The following GIGYF2 variants were observed in gnomAD, a reference collection of about 807,000 sequenced individuals.
GIGYF2 encodes the protein GRB10-interacting GYF protein 2.
GIGYF2 carries 25 observed loss-of-function variants against 208.1 expected under a neutral mutation model. The ratio of observed to expected loss-of-function variants is 0.12; its 90% CI spans 0.09 to 0.17. GIGYF2 has a LOEUF of 0.17. GIGYF2 is among the 10% of genes least tolerant of loss of function. The pLI is 1.00. For missense variants in GIGYF2, 1,302 were observed against 1,579.4 expected (o/e 0.82, Z 2.98); for synonymous variants, 534 against 543.8 (o/e 0.98, Z 0.25).
intron 6 of GIGYF2, among the ~76,000 whole-genome samples, chr2:232,757,955 T>C (rs1362928113): frequency 6.6e-6 from 1 of 152,212 alleles, no homozygotes; most frequent in African/African-American, 2.4e-5. Flanking sequence ...ATGTGACATA[T>C]GTAAGAAGTC....
At chr2:232,802,468 C>G (rs1446309095) in intron 14 of GIGYF2, among the ~76,000 whole-genome samples, 1 of 152,094 alleles carries the variant, frequency 6.6e-6, no homozygotes, top group Non-Finnish European at 1.5e-5. Flanking sequence ...GGTGATACTA[C>G]TTCTGTGTCA....
chr2:232,846,904 C>A (rs1401296142), intron 26 of GIGYF2, among the ~76,000 whole-genome samples: 1 of 152,196 alleles, frequency 6.6e-6, no homozygotes, highest in African/African-American at 2.4e-5. Context: ...TCTCCTATAC[C>A]ACACACTGCT....
intron 8 of GIGYF2, chr2:232,771,285 G>A (rs1480397172): frequency 6.2e-7 from 1 of 1,610,066 alleles, no homozygotes. Context: ...GAAGTGTGCT[G>A]TGGCCATCCT....
chr2:232,811,379 A>G (rs1459647439), intron 17 of GIGYF2, 28 bp downstream of exon 17: 2 of 1,192,820 alleles, frequency 1.7e-6, no homozygotes, highest in Non-Finnish European at 2.5e-6. Context: ...TATGTGTCAT[A>G]TGGGGTGCAT....
chr2:232,728,561 G>A (rs1186874107), intron 2 of GIGYF2, among the ~76,000 whole-genome samples: 1 of 152,152 alleles, frequency 6.6e-6, no homozygotes, highest in Non-Finnish European at 1.5e-5. Context: ...AAACAGTAGT[G>A]CCTTGATGAT....
At chr2:232,838,210 A>G (rs1701708950) in intron 22 of GIGYF2, among the ~76,000 whole-genome samples, 1 of 152,048 alleles carries the variant, frequency 6.6e-6, no homozygotes, top group Non-Finnish European at 1.5e-5. Flanking sequence ...TATAGAGTAT[A>G]TATTTTGTGT....
At chr2:232,702,865 G>C (rs190229428) in intron 1 of GIGYF2, among the ~76,000 whole-genome samples, 19 of 152,326 alleles carry the variant, frequency 1.2e-4, no homozygotes, top group Admixed American at 1.0e-3. Context: ...TACAGTTGCA[G>C]CTCACTGCAG....
In GIGYF2 at chr2:232,856,999, C is replaced by G. The variant is rs1690603404; in HGVS notation, c.*139C>G. Reference sequence around the variant, plus strand: ...AACCGATCATCTCAGGCTTTTTCTTCTGGCCCTTTGTGTCCAAGATTCTTT... The same window carrying G: ...AACCGATCATCTCAGGCTTTTTCTTGTGGCCCTTTGTGTCCAAGATTCTTT... On this transcript the variant is annotated 3_prime_UTR_variant, in exon 29 of 29. Transcript: ENST00000373563. 1 of 747,634 alleles carries G rather than the reference C, an allele frequency of 1.3e-6. No individual in the cohort carries two copies. The highest frequency in any genetic ancestry group is 2.4e-6 in the Non-Finnish European group (1 of 410,264). The allele number at this position is 747,634 out of a possible 1,614,324, so 46.3% of individuals were successfully genotyped here. A position where few individuals can be genotyped will look rare whatever the true frequency, so the allele number is the denominator to read the frequency against.
chr2:232,727,926 T>C (rs927159415), intron 2 of GIGYF2, among the ~76,000 whole-genome samples: 1 of 152,250 alleles, frequency 6.6e-6, no homozygotes, highest in Admixed American at 6.5e-5. Flanking sequence ...TTCTGTTTTC[T>C]GCTTCCTTTT....
chr2:232,814,166 A>G (rs1260601580), intron 18 of GIGYF2, among the ~76,000 whole-genome samples: 2 of 152,050 alleles, frequency 1.3e-5, no homozygotes, highest in Non-Finnish European at 2.9e-5. Flanking sequence ...GATTACAGGC[A>G]TGAGACATGG....
chr2:232,730,069 G>GAC (rs1433547251), intron 2 of GIGYF2: 1 of 1,049,200 alleles, frequency 9.5e-7, no homozygotes, highest in African/African-American at 1.5e-5. Context: ...GCAGGCGGTG[G>GAC]GCCAGATGCT....
At chr2:232,750,588 T>C (rs1698300455) in intron 5 of GIGYF2, among the ~76,000 whole-genome samples, 1 of 152,236 alleles carries the variant, frequency 6.6e-6, no homozygotes. Context: ...TTTGTTTGCA[T>C]TTCTTTGCCT....
At chr2:232,791,203 TC>T (rs1700060537) in intron 11 of GIGYF2, 33 bp downstream of exon 11, 3 of 1,613,946 alleles carry the variant, frequency 1.9e-6, no homozygotes, top group Non-Finnish European at 1.7e-6. Context: ...GCCTTTTTTT[TC>T]CTCCATCAAA....
intron 2 of GIGYF2, among the ~76,000 whole-genome samples, chr2:232,723,549 C>T (rs1251351027): frequency 2.0e-5 from 3 of 150,910 alleles, no homozygotes; most frequent in African/African-American, 7.3e-5. Context: ...TCTGCCTCAG[C>T]CTCCCGAGTA....
At chr2:232,762,243 T>C (rs1698772061) in intron 8 of GIGYF2, among the ~76,000 whole-genome samples, 1 of 147,838 alleles carries the variant, frequency 6.8e-6, no homozygotes, top group African/African-American at 2.5e-5. Flanking sequence ...TTTTTGTTTT[T>C]TTTTTTGTTT....
intron 2 of GIGYF2, chr2:232,705,506 T>C (rs950663404): frequency 3.9e-5 from 6 of 151,952 alleles, no homozygotes; most frequent in African/African-American, 1.4e-4. Flanking sequence ...CCTCCTGGGC[T>C]CAAGCAGTTC....
At chr2:232,742,051 T>A (rs1157862741) in intron 3 of GIGYF2, among the ~76,000 whole-genome samples, 3 of 152,132 alleles carry the variant, frequency 2.0e-5, no homozygotes, top group Non-Finnish European at 4.4e-5. Flanking sequence ...TCTACCCTGT[T>A]GGTGAAAAAG....
intron 2 of GIGYF2, among the ~76,000 whole-genome samples, chr2:232,725,931 C>T (rs1697178957): frequency 6.6e-6 from 1 of 152,194 alleles, no homozygotes; most frequent in African/African-American, 2.4e-5. Context: ...GTGTGTTATT[C>T]TGTAGAAGAG....
In GIGYF2 at chr2:232,806,358, T is replaced by G. The variant is rs1574906825; in HGVS notation, c.1640-133T>G. On this transcript the variant is annotated intron_variant, in intron 14 of 28. Transcript: ENST00000373563. This position sits in a 1 kb window ranked among gnomAD's most constrained non-coding sequence, Gnocchi z 4.0. ...GAAATCTGTTAGCTACCTTTAGAGG[T>G]GAATTAAATTAGATAGTATAAAACA... is the stretch of plus-strand genomic sequence containing the variant. 9.6e-6 allele frequency: 7 copies of G among 728,074 alleles called. No homozygotes were observed. Among genetic ancestry groups the G allele is most frequent in the Middle Eastern group, 3.4e-4 (1 of 2,910 alleles). The allele number at this position is 728,074 out of a possible 1,614,324, so 45.1% of individuals were successfully genotyped here.
Sources: allele counts gnomAD v4.1 joint callset (sites outside exome capture counted in the v4.1 genomes callset), GRCh38; gene constraint gnomAD v4.1.1; non-coding constraint Gnocchi (gnomAD v3.1); transcripts MANE v1.5; gene names NCBI Gene and HGNC (gene_info 2026-07-23, HGNC 2026-07-21).